Variants in DRICH1 observed in about 807,000 individuals in gnomAD.
DRICH1 encodes aspartate-rich protein 1.
DRICH1 carries 38 observed loss-of-function variants against 39.5 expected under a neutral mutation model. The observed-to-expected ratio is 0.96, with a 90% CI of 0.74 to 1.26. The LOEUF (loss-of-function observed/expected upper bound fraction) is 1.26, where lower values mean the gene tolerates loss of function less well. DRICH1 is among the 50% of genes most tolerant of loss of function. The probability of loss-of-function intolerance (pLI) is 0.00; values close to 1 mark genes in which losing one functional copy is unlikely to be tolerated. For missense variants in DRICH1, 279 were observed against 270.4 expected (o/e 1.03, Z -0.22); for synonymous variants, 84 against 99.5 (o/e 0.84, Z 0.93).
downstream of DRICH1, among the ~76,000 whole-genome samples, chr22:23,605,534 AG>A (rs1298370717): frequency 6.6e-6 from 1 of 151,890 alleles, no homozygotes; most frequent in Non-Finnish European, 1.5e-5. Context: ...GAGGAGGAGG[AG>A]GGGGAGAGGA....
the DRICH1 span, among the ~76,000 whole-genome samples, chr22:23,598,869 G>T: frequency 6.6e-6 from 1 of 152,198 alleles, no homozygotes; most frequent in Admixed American, 6.5e-5. Flanking sequence ...GTGAGCTTGG[G>T]CAGGCCCCTT....
At chr22:23,606,784 C>T (rs78210553), downstream of DRICH1, among the ~76,000 whole-genome samples, 1,068 of 152,276 alleles carry the variant, frequency 7.0e-3, 11 homozygotes, top group African/African-American at 0.024. Flanking sequence ...GAGATGCCAG[C>T]GACCAAAGGC....
chr22:23,585,382 C>T, the DRICH1 span, among the ~76,000 whole-genome samples: 1 of 152,310 alleles, frequency 6.6e-6, no homozygotes, highest in African/African-American at 2.4e-5. Flanking sequence ...CAAGATCCTC[C>T]CGACTTGGCC....
Position 23,608,706 on chromosome 22 carries a change from G to A in DRICH1, c.*58C>T. ...CTCCAGGGGCAAAGCTGGGGACCCT[G>A]CAGCACGCGCTGGCCTGCCCTTTGG... On this transcript the variant is annotated 3_prime_UTR_variant, in exon 12 of 12. Coordinates refer to ENST00000317749, the MANE Select transcript of DRICH1 (RefSeq NM_016449.4). 2.6e-6 allele frequency: 4 copies of A among 1,536,830 alleles called. No homozygotes were observed. Among genetic ancestry groups the A allele is most frequent in the Non-Finnish European group, 3.5e-6 (4 of 1,134,132 alleles).
chr22:23,612,156 T>C (rs971563546), intron 11 of DRICH1, among the ~76,000 whole-genome samples: 2 of 152,180 alleles, frequency 1.3e-5, no homozygotes, highest in Non-Finnish European at 2.9e-5. Context: ...TTACTTGAGA[T>C]AGCCACAATT....
At chr22:23,589,687 T>C in the DRICH1 span, among the ~76,000 whole-genome samples, 1 of 152,152 alleles carries the variant, frequency 6.6e-6, no homozygotes, top group Admixed American at 6.5e-5. Context: ...TCCTCACTCT[T>C]GAGTGTCCTC....
At chr22:23,613,564 C>T in intron 10 of DRICH1, 75 bp downstream of exon 10, 1 of 1,188,356 alleles carries the variant, frequency 8.4e-7, no homozygotes, top group Admixed American at 1.7e-5. Flanking sequence ...CCAGCAGGAC[C>T]CCAGAATCAG....
In DRICH1 at chr22:23,608,690, C is replaced by T; in HGVS notation, c.*74G>A. On this transcript the variant is annotated 3_prime_UTR_variant, in exon 12 of 12. Transcript: ENST00000317749. ...TAGAGAGGATTGAGACCTCCAGGGG[C>T]AAAGCTGGGGACCCTGCAGCACGCG... 6.8e-7 allele frequency: 1 copy of T among 1,478,116 alleles called. No individual in the cohort carries two copies. Among genetic ancestry groups the T allele is most frequent in the Non-Finnish European group, 9.2e-7 (1 of 1,081,602 alleles). 91.6% of individuals were successfully genotyped at this position (1,478,116 alleles called of 1,614,324 possible).
intron 1 of DRICH1, among the ~76,000 whole-genome samples, 175 bp downstream of exon 1, chr22:23,631,641 C>T (rs891804153): frequency 5.4e-5 from 8 of 148,650 alleles, no homozygotes; most frequent in Non-Finnish European, 1.0e-4. Context: ...AAAGTCTCAA[C>T]GACAAAGACA....
At chr22:23,586,087 C>T in the DRICH1 span, among the ~76,000 whole-genome samples, 1 of 152,152 alleles carries the variant, frequency 6.6e-6, no homozygotes, top group Admixed American at 6.5e-5. Context: ...TAGGGTTTGT[C>T]TGCTGAGAAG....
intron 1 of DRICH1, among the ~76,000 whole-genome samples, chr22:23,628,385 G>A (rs941587749): frequency 4.0e-5 from 6 of 151,622 alleles, no homozygotes; most frequent in African/African-American, 1.5e-4. Flanking sequence ...TGGCCAACAT[G>A]GAGAAACCCT....
At chr22:23,593,484 G>A in the DRICH1 span, among the ~76,000 whole-genome samples, 1 of 152,096 alleles carries the variant, frequency 6.6e-6, no homozygotes, top group African/African-American at 2.4e-5. Context: ...GGCCAACATG[G>A]TGAAATCCCT....
At chr22:23,613,498 C>T in intron 10 of DRICH1, 141 bp downstream of exon 10, 1 of 892,200 alleles carries the variant, frequency 1.1e-6, no homozygotes, top group African/African-American at 1.7e-5. Context: ...TACAGCTTCT[C>T]AGGCCAGAGT....
intron 3 of DRICH1, among the ~76,000 whole-genome samples, chr22:23,623,067 T>TTTTTTG (rs1421504717): frequency 6.6e-6 from 1 of 152,226 alleles, no homozygotes; most frequent in Non-Finnish European, 1.5e-5. Context: ...TACATAAATT[T>TTTTTTG]TTTTTGTTTG....
the DRICH1 span, among the ~76,000 whole-genome samples, chr22:23,588,715 T>C: frequency 1.3e-5 from 2 of 152,182 alleles, no homozygotes; most frequent in African/African-American, 4.8e-5. Flanking sequence ...ATCTGTCTTA[T>C]GGCCTCCAAC....
At chr22:23,617,420 T>A (rs114523077) in intron 7 of DRICH1, among the ~76,000 whole-genome samples, 155 bp downstream of exon 7, 4,494 of 152,232 alleles carry the variant, frequency 0.03, 203 homozygotes, top group African/African-American at 0.1. Context: ...CTGCTTGGAT[T>A]GGCAATGCCT....
intron 11 of DRICH1, among the ~76,000 whole-genome samples, chr22:23,609,853 CTCTG>C (rs1926940965): frequency 6.6e-6 from 1 of 152,202 alleles, no homozygotes; most frequent in African/African-American, 2.4e-5. Context: ...TCTCCAAGCC[CTCTG>C]GAGGCCCTCC....
chr22:23,585,089 CT>C, the DRICH1 span, among the ~76,000 whole-genome samples: 5 of 151,972 alleles, frequency 3.3e-5, no homozygotes, highest in African/African-American at 1.2e-4. Flanking sequence ...TTCTCTCTTT[CT>C]TTTTTTTCCT....
chr22:23,618,693 C>A (rs1180334297), intron 6 of DRICH1, among the ~76,000 whole-genome samples: 1 of 151,996 alleles, frequency 6.6e-6, no homozygotes, highest in East Asian at 1.9e-4. Flanking sequence ...ACACTTTCTG[C>A]CATGAGGATA....
Sources: gnomAD v4.1 joint callset for allele counts (sites outside exome capture counted in the v4.1 genomes callset) on GRCh38, gnomAD v4.1.1 for gene constraint, MANE v1.5 for transcripts, NCBI Gene and HGNC (gene_info 2026-07-23, HGNC 2026-07-21) for gene names.